OLFM3: variants seen among roughly 807,000 people sequenced by gnomAD.
OLFM3 encodes the protein olfactomedin 3, also known as noelin-3.
A neutral mutation model predicts 48.6 loss-of-function variants in OLFM3; 20 were observed. That is an observed-to-expected ratio of 0.41 (90% CI 0.29 to 0.60). The LOEUF is 0.60. Ranked by LOEUF, OLFM3 falls within the 20% of genes least tolerant of loss-of-function variation. OLFM3 has a pLI of 0.28. For synonymous variants in OLFM3, 222 were observed against 198.1 expected, an observed-to-expected ratio of 1.12 and a Z score of -1.01; for missense variants, 437 against 544.3, an observed-to-expected ratio of 0.80 and a Z score of 1.96.
chr1:101,962,052 C>T (rs12737750), intron 1 of OLFM3, among the ~76,000 whole-genome samples: 69,720 of 151,812 alleles, frequency 0.46, 16,403 homozygotes, highest in Non-Finnish European at 0.5. Flanking sequence ...GAACAATTTC[C>T]GCTTGCCGTG....
chr1:101,985,373 C>T (rs560594600), intron 1 of OLFM3, among the ~76,000 whole-genome samples: 66 of 152,320 alleles, frequency 4.3e-4, no homozygotes, highest in African/African-American at 1.4e-3. Context: ...TTGTCTACCA[C>T]AGTCAATATA....
intron 4 of OLFM3, among the ~76,000 whole-genome samples, chr1:101,808,755 G>A (rs1653904758): frequency 1.3e-5 from 2 of 151,740 alleles, no homozygotes; most frequent in Admixed American, 1.3e-4. Flanking sequence ...GAGTTTCCAA[G>A]CACATTTATT....
chr1:101,993,924 C>T (rs1431196673), intron 1 of OLFM3, among the ~76,000 whole-genome samples: 1 of 149,048 alleles, frequency 6.7e-6, no homozygotes, highest in African/African-American at 2.5e-5. Context: ...TTATAAAATG[C>T]CATATAAGAC....
intron 1 of OLFM3, among the ~76,000 whole-genome samples, chr1:101,965,076 A>G (rs1197833819): frequency 6.6e-6 from 1 of 152,192 alleles, no homozygotes; most frequent in East Asian, 1.9e-4. Flanking sequence ...AGAAAATAGC[A>G]CCGACAGCAA....
At chr1:101,972,622 C>T (rs952970542) in intron 1 of OLFM3, among the ~76,000 whole-genome samples, 10 of 152,116 alleles carry the variant, frequency 6.6e-5, no homozygotes, top group African/African-American at 2.4e-4. Flanking sequence ...ATTATAGACC[C>T]AGGGCTAGAA....
chr1:101,892,125 CCT>C (rs140454747), intron 1 of OLFM3, among the ~76,000 whole-genome samples: 47 of 151,948 alleles, frequency 3.1e-4, no homozygotes, highest in African/African-American at 1.1e-3. Context: ...GAAACTCTGC[CCT>C]GTGTGAGACT....
chr1:101,879,427 T>C (rs1436444891), intron 1 of OLFM3, among the ~76,000 whole-genome samples: 1 of 151,848 alleles, frequency 6.6e-6, no homozygotes, highest in East Asian at 1.9e-4. Context: ...TGCTATATCT[T>C]AAATTATTTG....
At chr1:101,889,692 G>A (rs1351264952) in intron 1 of OLFM3, among the ~76,000 whole-genome samples, 2 of 151,908 alleles carry the variant, frequency 1.3e-5, no homozygotes, top group African/African-American at 4.8e-5. Flanking sequence ...TAATAAATTT[G>A]TATATTTGGA....
chr1:101,851,062 G>A (rs1656205360), intron 1 of OLFM3, among the ~76,000 whole-genome samples: 1 of 152,132 alleles, frequency 6.6e-6, no homozygotes, highest in Non-Finnish European at 1.5e-5. Context: ...AAAATAGGAA[G>A]AGTAACATAA....
At chr1:101,916,993 C>T (rs1485244317) in intron 1 of OLFM3, among the ~76,000 whole-genome samples, 3 of 152,136 alleles carry the variant, frequency 2.0e-5, no homozygotes, top group Non-Finnish European at 4.4e-5. Context: ...AATATTTAAT[C>T]ATAGCATAAA....
At chr1:101,821,106 A>C (rs1219290065) in intron 4 of OLFM3, among the ~76,000 whole-genome samples, 3 of 152,038 alleles carry the variant, frequency 2.0e-5, no homozygotes, top group Non-Finnish European at 2.9e-5. Context: ...TGTTAACATC[A>C]GTTTTCTTCC....
chr1:101,975,321 T>C (rs1011780894), intron 1 of OLFM3, among the ~76,000 whole-genome samples: 4 of 152,164 alleles, frequency 2.6e-5, no homozygotes, highest in East Asian at 3.8e-4. Context: ...GTTTTAGAAA[T>C]GAAATTAAGT....
chr1:101,942,372 C>T (rs1659821921), intron 1 of OLFM3, among the ~76,000 whole-genome samples: 2 of 152,144 alleles, frequency 1.3e-5, no homozygotes, highest in Admixed American at 1.3e-4. Context: ...AAAAAGCAAA[C>T]TCAAGAAATT....
At chr1:101,974,862 A>G (rs1660907465) in intron 1 of OLFM3, among the ~76,000 whole-genome samples, 2 of 152,216 alleles carry the variant, frequency 1.3e-5, no homozygotes, top group Admixed American at 6.5e-5. Context: ...GTTCTCTAGA[A>G]AAAGGTGCAG....
At chr1:101,831,521 A>G (rs973059665) in intron 2 of OLFM3, among the ~76,000 whole-genome samples, 6 of 152,232 alleles carry the variant, frequency 3.9e-5, no homozygotes, top group Non-Finnish European at 8.8e-5. Context: ...CCTATAACGC[A>G]TGCAGAAATG....
intron 1 of OLFM3, among the ~76,000 whole-genome samples, chr1:101,873,469 G>T (rs1179339627): frequency 6.6e-6 from 1 of 151,780 alleles, no homozygotes; most frequent in East Asian, 1.9e-4. Flanking sequence ...ATACTATCAT[G>T]TTAGTCATTT....
chr1:101,833,468 T>C (rs1464005776), intron 2 of OLFM3, among the ~76,000 whole-genome samples: 4 of 152,210 alleles, frequency 2.6e-5, no homozygotes, highest in Non-Finnish European at 4.4e-5. Context: ...CATGACGACA[T>C]GAGTAAGGAA....
At chr1:101,943,873 T>C (rs1480162793) in intron 1 of OLFM3, among the ~76,000 whole-genome samples, 2 of 130,820 alleles carry the variant, frequency 1.5e-5, no homozygotes, top group Non-Finnish European at 3.3e-5. Context: ...ATTAAATTCA[T>C]AAAACTCTAG....
intron 1 of OLFM3, among the ~76,000 whole-genome samples, chr1:101,907,560 T>G (rs954011658): frequency 6.6e-6 from 1 of 152,226 alleles, no homozygotes; most frequent in Non-Finnish European, 1.5e-5. Context: ...CAGGTAGGGA[T>G]AGCAAAGAGG....
Sources: allele counts gnomAD v4.1 joint callset (sites outside exome capture counted in the v4.1 genomes callset), GRCh38; gene constraint gnomAD v4.1.1; transcripts MANE v1.5; gene names NCBI Gene and HGNC (gene_info 2026-07-23, HGNC 2026-07-21).